The following SMAP2 variants were observed in gnomAD, a reference collection of about 807,000 sequenced individuals.
The protein encoded by SMAP2 is stromal membrane-associated protein 2.
A neutral mutation model predicts 56.4 loss-of-function variants in SMAP2; 25 were observed. The ratio of observed to expected loss-of-function variants is 0.44; its 90% confidence interval spans 0.32 to 0.62. SMAP2 has a LOEUF of 0.62. Among genes scored for constraint, SMAP2 ranks in the 20% least tolerant of loss-of-function variants. The probability of loss-of-function intolerance (pLI) is 0.04; values close to 1 mark genes in which losing one functional copy is unlikely to be tolerated. For missense variants in SMAP2, 388 were observed against 545.6 expected, an observed-to-expected ratio of 0.71 and a Z score of 2.88; for synonymous variants, 157 against 181.7, an observed-to-expected ratio of 0.86 and a Z score of 1.09.
At chr1:40,352,527 A>T (rs568568732) in intron 1 of SMAP2, among the ~76,000 whole-genome samples, 1 of 152,114 alleles carries the variant, frequency 6.6e-6, no homozygotes, top group African/African-American at 2.4e-5. Flanking sequence ...ATTTTAATTT[A>T]AAAAGTTTTT....
chr1:40,349,181 G>A (rs176630), intron 1 of SMAP2, among the ~76,000 whole-genome samples: 1 of 152,154 alleles, frequency 6.6e-6, no homozygotes, highest in African/African-American at 2.4e-5. Context: ...ATTTTTCTTA[G>A]ATTATTCTTT....
At chr1:40,393,231 T>A in intron 1 of SMAP2, 1 of 1,228,586 alleles carries the variant, frequency 8.1e-7, no homozygotes, top group Non-Finnish European at 1.1e-6. Flanking sequence ...GAAGCTGAGG[T>A]GGGAGGATTG....
Position 40,385,217 on chromosome 1 carries a change from G to A in SMAP2, c.103+10994G>A, listed in dbSNP as rs532697295. Among the ~76,000 whole-genome samples the A allele has an allele frequency of 5.3e-5, 8 of 152,170 alleles. No homozygotes were observed. The highest frequency in any genetic ancestry group is 9.6e-5 in the African/African-American group (4 of 41,492). Reference sequence around the variant, plus strand: ...ATCCCACCTTTGTAGCATGTCACTCGGTAGTAGTAGAATTTTATTATTGTT... The same window carrying A: ...ATCCCACCTTTGTAGCATGTCACTCAGTAGTAGTAGAATTTTATTATTGTT... On this transcript the variant is annotated intron_variant, in intron 1 of 9. Coordinates refer to ENST00000372718, the MANE Select transcript of SMAP2 (RefSeq NM_022733.3). The surrounding 1 kb of genome is among the most constrained non-coding windows in gnomAD (Gnocchi z 4.5).
rs1487138938 is a variant in SMAP2 at position 40,386,748 on chromosome 1, T to G, written c.103+12525T>G. On this transcript the variant is annotated intron_variant, in intron 1 of 9. Transcript: ENST00000372718. This position sits in a 1 kb window ranked among gnomAD's most constrained non-coding sequence, Gnocchi z 4.1. ...AACATCAGTAAATGCTGGTTTTTTT[T>G]AAAACAACAACAACTTTATCTTTTA... Among the ~76,000 whole-genome samples the G allele has an allele frequency of 9.5e-6, 1 of 105,362 alleles. No homozygotes were observed. Among genetic ancestry groups the G allele is most frequent in the East Asian group, 2.9e-4 (1 of 3,398 alleles). The allele number at this position is 105,362 out of a possible 152,430, so 69.1% of individuals were successfully genotyped here.
chr1:40,351,592 C>T (rs959624111), intron 1 of SMAP2, among the ~76,000 whole-genome samples: 2 of 152,156 alleles, frequency 1.3e-5, no homozygotes, highest in African/African-American at 4.8e-5. Context: ...GCAACCTCTG[C>T]CTCCTGGGTC....
chr1:40,372,341 T>G (rs539228375), upstream of SMAP2, among the ~76,000 whole-genome samples: 1 of 152,116 alleles, frequency 6.6e-6, no homozygotes, highest in Non-Finnish European at 1.5e-5. Context: ...TGGTTCTTAC[T>G]GTGTTGCCCA....
intron 1 of SMAP2, among the ~76,000 whole-genome samples, chr1:40,357,835 A>G (rs1569820329): frequency 6.6e-6 from 1 of 152,076 alleles, no homozygotes; most frequent in Non-Finnish European, 1.5e-5. Context: ...ATAGCTTTGT[A>G]GTATAATTTA....
chr1:40,346,629 C>T (rs1473067070), intron 1 of SMAP2, among the ~76,000 whole-genome samples: 2 of 151,958 alleles, frequency 1.3e-5, no homozygotes, highest in Non-Finnish European at 2.9e-5. Context: ...CTCAGCCTCC[C>T]AGAGTGCTGG....
chr1:40,379,928 G>C (rs1248461229), intron 1 of SMAP2, among the ~76,000 whole-genome samples: 1 of 152,174 alleles, frequency 6.6e-6, no homozygotes, highest in Non-Finnish European at 1.5e-5. Flanking sequence ...AGTAATGGAA[G>C]AGTCTGTAGA....
rs565788810 is a variant in SMAP2 at position 40,384,636 on chromosome 1, T to G, written c.103+10413T>G. On this transcript the variant is annotated intron_variant, in intron 1 of 9. Transcript: ENST00000372718. ...GTGAGTATGTTTGCTTTTAGGCTGT[T>G]ACTTCCCACAGAGGCCACAGATAAA... 2.6e-5 allele frequency among the ~76,000 whole-genome samples: 4 copies of G among 152,326 alleles called. No individual in the cohort carries two copies. The South Asian group carries it at 8.3e-4, about 32-fold the overall frequency.
At chr1:40,360,070 G>C (rs894430585) in intron 1 of SMAP2, among the ~76,000 whole-genome samples, 9 of 140,818 alleles carry the variant, frequency 6.4e-5, no homozygotes, top group African/African-American at 2.4e-4. Flanking sequence ...GCAGTGGTGC[G>C]ATCTCGGCTC....
At chr1:40,407,010 C>A in intron 2 of SMAP2, 141 bp downstream of exon 2, 1 of 826,694 alleles carries the variant, frequency 1.2e-6, no homozygotes, top group East Asian at 2.8e-5. Context: ...TTCTTGTACC[C>A]TAACAGAAAT....
At chr1:40,413,248 A>G (rs1036823692) in intron 5 of SMAP2, 146 bp downstream of exon 5, 7 of 677,790 alleles carry the variant, frequency 1.0e-5, no homozygotes, top group African/African-American at 1.8e-5. Context: ...ACTGCCTGCT[A>G]TCATTTCTGC....
Position 40,386,462 on chromosome 1 carries a change from T to C in SMAP2, c.103+12239T>C, listed in dbSNP as rs11584313. On this transcript the variant is annotated intron_variant, in intron 1 of 9. Transcript: ENST00000372718. This position sits in a 1 kb window ranked among gnomAD's most constrained non-coding sequence, Gnocchi z 4.1. ...AAAGGAAGCTTCATTAAATGAAACA[T>C]TGGAATCAGGAAGACTCCGGCTTGG... Among the ~76,000 whole-genome samples the C allele has an allele frequency of 2.5e-3, 376 of 152,264 alleles. 1 individual carries two copies. The highest frequency in any genetic ancestry group is 6.4e-3 in the Admixed American group (98 of 15,304).
At position 40,374,564 on chromosome 1, in the gene SMAP2, G is replaced by A; in HGVS notation, c.103+341G>A. 1 of 1,191,324 alleles carries A rather than the reference G, an allele frequency of 8.4e-7. No homozygotes were observed. The highest frequency in any genetic ancestry group is 1.2e-6 in the Non-Finnish European group (1 of 825,718). The allele number at this position is 1,191,324 out of a possible 1,614,324, so 73.8% of individuals were successfully genotyped here. ...TCCCAGCATGTCACTTGCAAAGCTG[G>A]GGATGAACTGCATTGCGTGCGTGCG... On this transcript the variant is annotated intron_variant, in intron 1 of 9. Coordinates refer to ENST00000372718, the MANE Select transcript of SMAP2 (RefSeq NM_022733.3). The surrounding 1 kb of genome is among the most constrained non-coding windows in gnomAD (Gnocchi z 5.9).
intron 1 of SMAP2, among the ~76,000 whole-genome samples, chr1:40,351,392 C>A (rs746871618): frequency 3.9e-5 from 6 of 152,166 alleles, no homozygotes; most frequent in Non-Finnish European, 8.8e-5. Flanking sequence ...TCTGTCTTTT[C>A]TAGTTAACCT....
chr1:40,366,155 A>G (rs1053860013), intron 2 of SMAP2, among the ~76,000 whole-genome samples: 2 of 152,070 alleles, frequency 1.3e-5, no homozygotes, highest in African/African-American at 4.8e-5. Flanking sequence ...TTAGAGAAAG[A>G]AGAGTAAAAA....
intron 1 of SMAP2, among the ~76,000 whole-genome samples, chr1:40,357,077 G>A (rs1644439216): frequency 6.6e-6 from 1 of 152,076 alleles, no homozygotes; most frequent in Non-Finnish European, 1.5e-5. Context: ...GCCCTTGTCA[G>A]ATGAATGGTT....
intron 1 of SMAP2, among the ~76,000 whole-genome samples, chr1:40,397,867 G>A (rs1228535185): frequency 2.0e-5 from 3 of 152,148 alleles, no homozygotes; most frequent in Non-Finnish European, 4.4e-5. Flanking sequence ...GGGAATGAGG[G>A]AGAAAGCCAT....
Sources: gnomAD v4.1 joint callset for allele counts (sites outside exome capture counted in the v4.1 genomes callset) on GRCh38, gnomAD v4.1.1 for gene constraint, Gnocchi (gnomAD v3.1) non-coding constraint, MANE v1.5 for transcripts, NCBI Gene and HGNC (gene_info 2026-07-23, HGNC 2026-07-21) for gene names.